CREB5: variants seen among roughly 807,000 people sequenced by gnomAD.
CREB5 encodes cyclic AMP-responsive element-binding protein 5.
A neutral mutation model predicts 57.1 loss-of-function variants in CREB5; 19 were observed. The observed-to-expected ratio is 0.33, with a 90% confidence interval of 0.23 to 0.49. CREB5 has a LOEUF of 0.49. Among genes scored for constraint, CREB5 ranks in the 20% least tolerant of loss-of-function variants. The probability of loss-of-function intolerance (pLI) is 0.99; values close to 1 mark genes in which losing one functional copy is unlikely to be tolerated. For missense variants in CREB5, 579 were observed against 671.6 expected, an observed-to-expected ratio of 0.86 and a Z score of 1.52; for synonymous variants, 238 against 238.3, an observed-to-expected ratio of 1.00 and a Z score of 0.01.
At chr7:28,463,183 A>G (rs1387417147) in intron 1 of CREB5, among the ~76,000 whole-genome samples, 9 of 151,974 alleles carry the variant, frequency 5.9e-5, no homozygotes, top group Non-Finnish European at 1.2e-4. Flanking sequence ...TATTGAAAAG[A>G]TTGTTTTTTT....
intron 1 of CREB5, among the ~76,000 whole-genome samples, chr7:28,361,058 C>T (rs1786466086): frequency 6.6e-6 from 1 of 151,958 alleles, no homozygotes; most frequent in Non-Finnish European, 1.5e-5. Context: ...ATTATCTGAC[C>T]CCCAATGTCA....
chr7:28,736,743 T>A (rs1193809828), intron 7 of CREB5, among the ~76,000 whole-genome samples: 1 of 151,976 alleles, frequency 6.6e-6, no homozygotes, highest in African/African-American at 2.4e-5. Flanking sequence ...TCAGGAGGTG[T>A]GGACGCATGG....
chr7:28,414,407 T>C (rs997537160), intron 1 of CREB5, among the ~76,000 whole-genome samples: 5 of 152,118 alleles, frequency 3.3e-5, no homozygotes, highest in Admixed American at 6.5e-5. Context: ...GCTTAATTAG[T>C]GTTTAAAAAT....
intron 1 of CREB5, among the ~76,000 whole-genome samples, chr7:28,353,772 G>A (rs1786284245): frequency 6.6e-6 from 1 of 151,186 alleles, no homozygotes; most frequent in South Asian, 2.1e-4. Context: ...GAACCCAGGA[G>A]GCGGAGCTTG....
intron 4 of CREB5, among the ~76,000 whole-genome samples, chr7:28,511,113 T>C (rs1282612814): frequency 2.0e-5 from 3 of 151,122 alleles, no homozygotes; most frequent in African/African-American, 7.3e-5. Context: ...AGAGAAACAA[T>C]AAATATGTGA....
chr7:28,589,985 A>G (rs1468564078), intron 5 of CREB5, among the ~76,000 whole-genome samples: 4 of 152,216 alleles, frequency 2.6e-5, no homozygotes, highest in African/African-American at 4.8e-5. Flanking sequence ...TATGGGACTC[A>G]GCTTTGTCAT....
At chr7:28,541,871 T>C (rs138989397) in intron 4 of CREB5, among the ~76,000 whole-genome samples, 331 of 152,322 alleles carry the variant, frequency 2.2e-3, no homozygotes, top group African/African-American at 7.8e-3. Context: ...AAAAGGTCAT[T>C]GTTGTTGTTC....
intron 1 of CREB5, among the ~76,000 whole-genome samples, chr7:28,319,618 C>T (rs1785454007): frequency 6.6e-6 from 1 of 152,124 alleles, no homozygotes; most frequent in African/African-American, 2.4e-5. Flanking sequence ...GACTCCTCCG[C>T]TCTACCCATG....
chr7:28,559,988 A>AG (rs1795016776), intron 4 of CREB5, among the ~76,000 whole-genome samples: 2 of 152,206 alleles, frequency 1.3e-5, no homozygotes, highest in Non-Finnish European at 2.9e-5. Context: ...GAACCTGAAA[A>AG]GGGGAGAGGA....
At chr7:28,750,093 T>C (rs1349051921) in intron 7 of CREB5, among the ~76,000 whole-genome samples, 1 of 152,210 alleles carries the variant, frequency 6.6e-6, no homozygotes, top group African/African-American at 2.4e-5. Flanking sequence ...AATGGAAATA[T>C]GCATTTTTTC....
chr7:28,692,196 A>AAC (rs1469539907), intron 5 of CREB5, among the ~76,000 whole-genome samples: 1 of 151,172 alleles, frequency 6.6e-6, no homozygotes, highest in African/African-American at 2.4e-5. Context: ...CAAAAAAAAA[A>AAC]AAGCAGCAGC....
intron 5 of CREB5, among the ~76,000 whole-genome samples, chr7:28,609,512 A>T (rs1376539670): frequency 6.6e-6 from 1 of 152,266 alleles, no homozygotes; most frequent in African/African-American, 2.4e-5. Context: ...TTTAAAATAG[A>T]ACAATCCTCT....
intron 1 of CREB5, among the ~76,000 whole-genome samples, chr7:28,323,611 T>G (rs538192025): frequency 1.3e-5 from 2 of 152,234 alleles, no homozygotes; most frequent in Non-Finnish European, 2.9e-5. Context: ...TCACTCACTG[T>G]ATCTCCAACA....
At chr7:28,315,999 G>A (rs1457529616) in intron 1 of CREB5, among the ~76,000 whole-genome samples, 1 of 152,096 alleles carries the variant, frequency 6.6e-6, no homozygotes, top group Non-Finnish European at 1.5e-5. Flanking sequence ...GGAGTTTTTC[G>A]GCAAGTGCTG....
chr7:28,410,424 A>T (rs1226299183), upstream of CREB5: 2 of 456,586 alleles, frequency 4.4e-6, no homozygotes, highest in Non-Finnish European at 8.8e-6. Flanking sequence ...AATCACTTGA[A>T]CTTTTCACGA....
At chr7:28,724,798 G>T (rs1803242571) in intron 7 of CREB5, 1 of 152,818 alleles carries the variant, frequency 6.5e-6, no homozygotes, top group Non-Finnish European at 1.5e-5. Context: ...AAGTGACATT[G>T]ATTTGAAAGG....
At chr7:28,615,948 A>T (rs1376062336) in intron 5 of CREB5, 1 of 152,350 alleles carries the variant, frequency 6.6e-6, no homozygotes, top group East Asian at 1.9e-4. Context: ...AATAAGGTTC[A>T]TACTTAAAAT....
intron 5 of CREB5, among the ~76,000 whole-genome samples, chr7:28,610,973 G>T (rs1797362058): frequency 6.6e-6 from 1 of 151,990 alleles, no homozygotes; most frequent in South Asian, 2.1e-4. Flanking sequence ...CCAAGGTAGG[G>T]GGGTGTGTGT....
chr7:28,477,993 G>T (rs1791153824), intron 1 of CREB5, among the ~76,000 whole-genome samples: 1 of 151,974 alleles, frequency 6.6e-6, no homozygotes, highest in African/African-American at 2.4e-5. Flanking sequence ...GCACACCTGT[G>T]GTGTCCCAAC....
Sources: gnomAD v4.1 joint callset for allele counts (sites outside exome capture counted in the v4.1 genomes callset) on GRCh38, gnomAD v4.1.1 for gene constraint, MANE v1.5 for transcripts, NCBI Gene and HGNC (gene_info 2026-07-23, HGNC 2026-07-21) for gene names.